HTR1E: variants seen among roughly 807,000 people sequenced by gnomAD.
HTR1E encodes 5-hydroxytryptamine receptor 1E.
A neutral mutation model predicts 3.4 loss-of-function variants in HTR1E; 3 were observed. The ratio of observed to expected loss-of-function variants is 0.89; its 90% CI spans 0.41 to 2.31. The LOEUF is 2.31. Ranked by LOEUF, HTR1E falls within the 30% of genes most tolerant of loss-of-function variation. HTR1E has a pLI of 0.05. For missense variants in HTR1E, 392 were observed against 467.0 expected, an observed-to-expected ratio of 0.84 and a Z score of 1.48; for synonymous variants, 170 against 182.8, an observed-to-expected ratio of 0.93 and a Z score of 0.56.
chr6:86,994,492 A>G (rs940128590), intron 1 of HTR1E, among the ~76,000 whole-genome samples: 3 of 152,188 alleles, frequency 2.0e-5, no homozygotes, highest in Non-Finnish European at 4.4e-5. Context: ...AAGTGCTCAC[A>G]GAAAAGAACT....
Position 86,952,498 on chromosome 6 carries a change from G to GACACACAC in HTR1E, c.-186+14692_-186+14699dup, listed in dbSNP as rs149359215. Among the ~76,000 whole-genome samples the GACACACAC allele has an allele frequency of 6.4e-3, 938 of 147,020 alleles. 8 individuals are homozygous for GACACACAC. The highest frequency in any genetic ancestry group is 0.022 in the African/African-American group (879 of 40,354). Reference sequence around the variant, plus strand: ...TTTGGCTTACACATACACACACACAGACACACACACACACACACACACACC... The same window carrying GACACACAC: ...TTTGGCTTACACATACACACACACAGACACACACACACACACACACACACACACACACC... On this transcript the variant is annotated intron_variant, in intron 1 of 1. Coordinates refer to ENST00000305344, the MANE Select transcript of HTR1E (RefSeq NM_000865.3).
chr6:86,965,773 C>T (rs537312751), intron 1 of HTR1E, among the ~76,000 whole-genome samples: 2 of 152,074 alleles, frequency 1.3e-5, no homozygotes, highest in Admixed American at 6.6e-5. Context: ...AAACACTGTA[C>T]GTCCTCACTC....
intron 1 of HTR1E, among the ~76,000 whole-genome samples, chr6:86,969,844 A>C (rs1767524818): frequency 6.6e-6 from 1 of 152,164 alleles, no homozygotes; most frequent in Middle Eastern, 3.2e-3. Context: ...GTGCCCAAGG[A>C]GAGCTAATGT....
chr6:87,015,699 G>A lies in HTR1E; in HGVS notation c.365G>A (p.Trp122Ter). Residue 122 changes from tryptophan to a stop codon, truncating the protein, a stop_gained, in exon 2 of 2, where the codon TGG becomes TAG. Coordinates refer to ENST00000305344, the MANE Select transcript of HTR1E (RefSeq NM_000865.3). LOFTEE classifies it low-confidence loss of function (END_TRUNC). The stretch of plus-strand genomic sequence containing the variant: ...TGTGTCATTGCCCTGGACAGGTACT[G>A]GGCCATCACCAATGCTATTGAATAC... ...HLCVIALDRY[W>*]AITNAIEYAR... 1 of 1,613,876 alleles carries A rather than the reference G, an allele frequency of 6.2e-7. No individual in the cohort carries two copies. The highest frequency in any genetic ancestry group is 8.5e-7 in the Non-Finnish European group (1 of 1,179,856).
chr6:86,983,795 A>T (rs1767746975), intron 1 of HTR1E, among the ~76,000 whole-genome samples: 1 of 152,174 alleles, frequency 6.6e-6, no homozygotes, highest in African/African-American at 2.4e-5. Flanking sequence ...TGTACAACTT[A>T]TTCAGATCTT....
intron 1 of HTR1E, among the ~76,000 whole-genome samples, chr6:86,999,007 G>A (rs1255794661): frequency 6.6e-6 from 1 of 152,074 alleles, no homozygotes; most frequent in African/African-American, 2.4e-5. Flanking sequence ...TCACCCAGGC[G>A]GGAGTGCAGT....
chr6:86,971,137 G>T, intron 1 of HTR1E: 1 of 510,358 alleles, frequency 2.0e-6, no homozygotes, highest in South Asian at 1.4e-5. Flanking sequence ...GTAGAAGGTG[G>T]AGATGCTGGC....
chr6:86,991,699 G>A (rs1207976796), intron 1 of HTR1E, among the ~76,000 whole-genome samples: 1 of 152,122 alleles, frequency 6.6e-6, no homozygotes, highest in East Asian at 1.9e-4. Flanking sequence ...TTGTGTAGTG[G>A]TCTCAGAAGC....
intron 1 of HTR1E, among the ~76,000 whole-genome samples, chr6:86,979,771 G>T (rs1269210308): frequency 2.6e-5 from 4 of 152,132 alleles, no homozygotes; most frequent in Non-Finnish European, 5.9e-5. Context: ...AGTAAAAGAT[G>T]GGATTAAGGG....
intron 1 of HTR1E, among the ~76,000 whole-genome samples, chr6:87,007,539 G>C (rs1387855976): frequency 6.6e-6 from 1 of 152,162 alleles, no homozygotes. Context: ...CCATTACCTT[G>C]ATGTGATGAT....
Position 87,015,687 on chromosome 6 carries a change from T to G in HTR1E, c.353T>G (p.Leu118Arg). ...ATCCTCCACCTCTGTGTCATTGCCC[T>G]GGACAGGTACTGGGCCATCACCAAT... ...CSILHLCVIA[L>R]DRYWAITNAI... Residue 118 changes from leucine (L) to arginine (R), a missense_variant, in exon 2 of 2, where the codon CTG (leucine) becomes CGG (arginine). Around this residue, in one of 3 missense-constraint regions of HTR1E, gnomAD observed 189 missense variants for 258.0 expected, o/e 0.73. Coordinates refer to ENST00000305344, the MANE Select transcript of HTR1E (RefSeq NM_000865.3). 6.2e-7 allele frequency: 1 copy of G among 1,614,056 alleles called. No homozygotes were observed. Among genetic ancestry groups the G allele is most frequent in the African/African-American group, 1.3e-5 (1 of 75,034 alleles).
intron 1 of HTR1E, among the ~76,000 whole-genome samples, chr6:86,955,815 T>G (rs1767314215): frequency 6.6e-6 from 1 of 152,132 alleles, no homozygotes; most frequent in Non-Finnish European, 1.5e-5. Context: ...TTCAAAAAGC[T>G]GAGAAACTGA....
chr6:86,969,482 A>G (rs2127822410), intron 1 of HTR1E, among the ~76,000 whole-genome samples: 1 of 152,248 alleles, frequency 6.6e-6, no homozygotes, highest in South Asian at 2.1e-4. Context: ...CTCACTAATT[A>G]TCTTTCAGGT....
At chr6:87,011,379 GA>G (rs1302883889) in intron 1 of HTR1E, among the ~76,000 whole-genome samples, 2 of 152,190 alleles carry the variant, frequency 1.3e-5, no homozygotes, top group Non-Finnish European at 2.9e-5. Context: ...AGTAAATAGA[GA>G]AAGGCAAGTA....
At chr6:87,010,303 C>T (rs1768194239) in intron 1 of HTR1E, among the ~76,000 whole-genome samples, 3 of 99,976 alleles carry the variant, frequency 3.0e-5, no homozygotes, top group South Asian at 3.9e-4. Flanking sequence ...GGCGGCTGGC[C>T]GGGCGGGGGG....
chr6:86,946,861 A>C (rs1188077985), intron 1 of HTR1E, among the ~76,000 whole-genome samples: 2 of 152,210 alleles, frequency 1.3e-5, no homozygotes, highest in Non-Finnish European at 2.9e-5. Flanking sequence ...TCACACCTGT[A>C]ATCCCAGTAC....
chr6:86,965,129 T>C (rs1193509309), intron 1 of HTR1E, among the ~76,000 whole-genome samples: 1 of 152,156 alleles, frequency 6.6e-6, no homozygotes, highest in Non-Finnish European at 1.5e-5. Context: ...GGACTCAGCA[T>C]CCCGGGGCTT....
At chr6:86,972,144 T>G (rs111439114) in intron 1 of HTR1E, among the ~76,000 whole-genome samples, 66 of 152,352 alleles carry the variant, frequency 4.3e-4, no homozygotes, top group African/African-American at 1.4e-3. Flanking sequence ...GTGTAAAATT[T>G]TATATCACTT....
intron 1 of HTR1E, among the ~76,000 whole-genome samples, chr6:86,987,467 G>C (rs1371570595): frequency 6.6e-6 from 1 of 151,898 alleles, no homozygotes; most frequent in Admixed American, 6.6e-5. Flanking sequence ...AGCTTTATCA[G>C]CACTACCCAA....
Sources: allele counts gnomAD v4.1 joint callset (sites outside exome capture counted in the v4.1 genomes callset), GRCh38; gene constraint gnomAD v4.1.1; regional missense constraint gnomAD v4.1.1; transcripts MANE v1.5; gene names NCBI Gene and HGNC (gene_info 2026-07-23, HGNC 2026-07-21).